Variants in SEMA4D observed in about 807,000 individuals in gnomAD.
SEMA4D encodes semaphorin 4D, also known as semaphorin-4D.
A neutral mutation model predicts 74.8 loss-of-function variants in SEMA4D; 22 were observed. The observed-to-expected ratio is 0.29, with a 90% CI of 0.21 to 0.42. SEMA4D has a LOEUF of 0.42. Ranked by LOEUF, SEMA4D falls within the 10% of genes least tolerant of loss-of-function variation. SEMA4D has a pLI of 1.00. For synonymous variants in SEMA4D, 445 were observed against 463.7 expected (o/e 0.96, Z 0.52); for missense variants, 937 against 1,118.4 (o/e 0.84, Z 2.31).
At chr9:89,362,407 G>T (rs773185623) in exon 19 of SEMA4D, 1 of 1,614,058 alleles carries the variant, frequency 6.2e-7, no homozygotes, top group Admixed American at 1.7e-5. Context: ...GGTGGCTACA[G>T]GGTGTCCTTG....
rs1588206186 is a variant in SEMA4D, at chr9:89,492,174, C to A, written c.-310+5745G>T. 6.6e-6 allele frequency among the ~76,000 whole-genome samples: 1 copy of A among 152,302 alleles called. No homozygotes were observed. The highest frequency in any genetic ancestry group is 1.9e-4 in the East Asian group (1 of 5,182). On this transcript the variant is annotated intron_variant, in intron 1 of 15. Coordinates refer to ENST00000422704, the MANE Select transcript of SEMA4D (RefSeq NM_001371194.2). The surrounding 1 kb of genome is among the most constrained non-coding windows in gnomAD (Gnocchi z 4.3). ...CTCTCAAGAAACTCACCCCATACTT[C>A]AGCCCACCATCCCAGACCACATGGA...
rs182442231 is a variant in SEMA4D, at chr9:89,372,071, G to A, written c.1882+4762C>T. On this transcript the variant is annotated intron_variant, in intron 16 of 18. Coordinates refer to the SEMA4D transcript ENST00000339861. ...GTGTCGGGTGTGGTGTGTTGGGGGC[G>A]TGGTGTGTGTCGGGTGTGTGTGTGG... 7.4e-4 allele frequency among the ~76,000 whole-genome samples: 56 copies of A among 76,164 alleles called. 3 individuals are homozygous for A. In the East Asian group the frequency reaches 0.012, roughly 16 times the overall value. The allele number at this position is 76,164 out of a possible 152,430, so 50.0% of individuals were successfully genotyped here.
At chr9:89,406,174 A>G (rs1843284211) in intron 2 of SEMA4D, among the ~76,000 whole-genome samples, 1 of 152,190 alleles carries the variant, frequency 6.6e-6, no homozygotes, top group Admixed American at 6.5e-5. Context: ...ATGTGAGTGC[A>G]CACACATGCA....
At chr9:89,386,238 G>A in intron 13 of SEMA4D, 129 bp downstream of exon 13, 1 of 993,310 alleles carries the variant, frequency 1.0e-6, no homozygotes, top group Non-Finnish European at 1.4e-6. Flanking sequence ...CTGAAGGTTG[G>A]CTCACCCAGG....
intron 1 of SEMA4D, among the ~76,000 whole-genome samples, chr9:89,495,629 C>A (rs1203021848): frequency 1.3e-5 from 2 of 152,316 alleles, no homozygotes; most frequent in African/African-American, 4.8e-5. Context: ...TGGTTGGGAA[C>A]AGCAGGCAGC....
At chr9:89,436,049 C>T (rs1196838930) in intron 2 of SEMA4D, among the ~76,000 whole-genome samples, 1 of 152,058 alleles carries the variant, frequency 6.6e-6, no homozygotes, top group Non-Finnish European at 1.5e-5. Context: ...TACAGAATGA[C>T]GGACATCTCA....
intron 2 of SEMA4D, among the ~76,000 whole-genome samples, chr9:89,452,182 GTT>G (rs748453753): frequency 8.1e-5 from 11 of 135,432 alleles, no homozygotes; most frequent in African/African-American, 2.8e-4. Context: ...GGTTTTTTTT[GTT>G]TTTTTTTTTT....
At chr9:89,374,914 A>T (rs1835576244), downstream of SEMA4D, among the ~76,000 whole-genome samples, 1 of 152,164 alleles carries the variant, frequency 6.6e-6, no homozygotes, top group Non-Finnish European at 1.5e-5. Context: ...TTAGCTGGGC[A>T]TGGTGAGGTG....
chr9:89,453,725 C>T (rs1171339692), intron 2 of SEMA4D, among the ~76,000 whole-genome samples: 1 of 152,296 alleles, frequency 6.6e-6, no homozygotes, highest in Admixed American at 6.5e-5. Flanking sequence ...ACAGTGGCAC[C>T]GGGAACCACA....
intron 2 of SEMA4D, chr9:89,450,159 A>G (rs1853998153): frequency 1.6e-6 from 2 of 1,277,928 alleles, no homozygotes; most frequent in Admixed American, 1.7e-5. Flanking sequence ...AGAAAAAACC[A>G]TTACCCAGAT....
At chr9:89,408,057 C>T (rs990870816) in intron 2 of SEMA4D, among the ~76,000 whole-genome samples, 76 of 152,364 alleles carry the variant, frequency 5.0e-4, no homozygotes, top group African/African-American at 1.7e-3. Context: ...TTCTGAATTC[C>T]AGGCACATTT....
intron 4 of SEMA4D, among the ~76,000 whole-genome samples, chr9:89,400,087 G>A (rs1841863024): frequency 6.8e-6 from 1 of 147,854 alleles, no homozygotes; most frequent in Non-Finnish European, 1.5e-5. Flanking sequence ...TGTATCAGTA[G>A]AAAGGGAGAT....
chr9:89,448,623 G>A (rs533365900), intron 2 of SEMA4D, among the ~76,000 whole-genome samples: 5 of 152,354 alleles, frequency 3.3e-5, no homozygotes, highest in South Asian at 2.1e-4. Flanking sequence ...GTAAAACCAC[G>A]AGGCCTCTGC....
chr9:89,434,112 T>A (rs1849874349), intron 2 of SEMA4D, among the ~76,000 whole-genome samples: 1 of 152,216 alleles, frequency 6.6e-6, no homozygotes, highest in Non-Finnish European at 1.5e-5. Flanking sequence ...TGTCTCCAGC[T>A]GTTCATGTTT....
rs1000009548 is a variant in SEMA4D at position 89,474,878 on chromosome 9, G to C, written c.-309-18925C>G. Among the ~76,000 whole-genome samples the C allele has an allele frequency of 3.9e-5, 6 of 152,198 alleles. No homozygotes were observed. The South Asian group carries it at 8.3e-4, about 21-fold the overall frequency. On this transcript the variant is annotated intron_variant, in intron 1 of 15. Coordinates refer to ENST00000422704, the MANE Select transcript of SEMA4D (RefSeq NM_001371194.2). ...CTGTGACTGTCAGCCCCTGCAATAG[G>C]GGTCCCTGCTGCAGAGGCCCCTGGT... is the stretch of plus-strand genomic sequence containing the variant.
At chr9:89,475,294 G>C (rs1190606513) in intron 1 of SEMA4D, among the ~76,000 whole-genome samples, 3 of 152,232 alleles carry the variant, frequency 2.0e-5, no homozygotes, top group African/African-American at 7.2e-5. Context: ...GAAGGGGCCT[G>C]CTGGGCCCCC....
At position 89,363,552 on chromosome 9, in the gene SEMA4D, G is replaced by A. The variant is rs376985075; in HGVS notation, c.2093-25C>T. The A allele has an allele frequency of 2.5e-6, 4 of 1,613,300 alleles. No homozygotes were observed. The African/African-American group carries it at 4.0e-5, about 16-fold the overall frequency. ...TCTGGAAAACAAGCAGGGTCCCCAG[G>A]TCAAAGCTCTGTGGGCCTTTATGGC... On this transcript the variant is annotated intron_variant, in intron 17 of 18. Transcript: ENST00000339861.
intron 2 of SEMA4D, among the ~76,000 whole-genome samples, chr9:89,432,422 G>C (rs1357729624): frequency 6.6e-6 from 1 of 152,108 alleles, no homozygotes; most frequent in African/African-American, 2.4e-5. Flanking sequence ...TCCTAAAACT[G>C]CCTGAGGCTA....
chr9:89,442,468 C>G (rs1587920034), intron 2 of SEMA4D, among the ~76,000 whole-genome samples: 1 of 152,080 alleles, frequency 6.6e-6, no homozygotes, highest in Admixed American at 6.5e-5. Flanking sequence ...CATGCAGCAG[C>G]AGCAACATGT....
Sources: allele counts gnomAD v4.1 joint callset (sites outside exome capture counted in the v4.1 genomes callset), GRCh38; gene constraint gnomAD v4.1.1; non-coding constraint Gnocchi (gnomAD v3.1); transcripts MANE v1.5; gene names NCBI Gene and HGNC (gene_info 2026-07-23, HGNC 2026-07-21).